Variants in SH3GL3 observed in about 807,000 individuals in gnomAD.
SH3GL3 encodes endophilin-A3.
In SH3GL3, 33 loss-of-function variants were observed where a neutral mutation model predicts 47.7. The ratio of observed to expected loss-of-function variants is 0.69; its 90% CI spans 0.52 to 0.92. The LOEUF is 0.92. Among genes scored for constraint, SH3GL3 ranks in the 40% least tolerant of loss-of-function variants. The pLI is 0.00. For synonymous variants in SH3GL3, 155 were observed against 148.8 expected, an observed-to-expected ratio of 1.04 and a Z score of -0.30; for missense variants, 363 against 417.8, an observed-to-expected ratio of 0.87 and a Z score of 1.14.
intron 1 of SH3GL3, among the ~76,000 whole-genome samples, chr15:83,463,408 G>T (rs11632228): frequency 0.31 from 46,576 of 151,908 alleles, 7,434 homozygotes; most frequent in Admixed American, 0.4. Flanking sequence ...GTCAATAAAA[G>T]CTTCCTCTTA....
chr15:83,556,821 C>T (rs1026724411), intron 1 of SH3GL3, among the ~76,000 whole-genome samples: 19 of 152,118 alleles, frequency 1.2e-4, no homozygotes, highest in Admixed American at 3.3e-4. Context: ...TGTGGTTGAT[C>T]GCTGCTGGGC....
chr15:83,562,942 C>A (rs2045356449), intron 2 of SH3GL3, among the ~76,000 whole-genome samples: 1 of 152,194 alleles, frequency 6.6e-6, no homozygotes, highest in Non-Finnish European at 1.5e-5. Flanking sequence ...TGCCCACTTG[C>A]ACACACAGCA....
chr15:83,627,265 C>T, the SH3GL3 span, among the ~76,000 whole-genome samples: 2 of 151,834 alleles, frequency 1.3e-5, no homozygotes, highest in Non-Finnish European at 2.9e-5. Context: ...GGCATGGTGG[C>T]GGGCACCTGT....
chr15:83,507,263 C>T (rs755802276), intron 1 of SH3GL3, among the ~76,000 whole-genome samples: 6 of 152,116 alleles, frequency 3.9e-5, no homozygotes, highest in Non-Finnish European at 8.8e-5. Flanking sequence ...CCACCTCGAC[C>T]TCCCAAAGTG....
chr15:83,520,322 A>C (rs1488650410), intron 1 of SH3GL3, among the ~76,000 whole-genome samples: 2 of 152,350 alleles, frequency 1.3e-5, no homozygotes, highest in South Asian at 2.1e-4. Context: ...CTTTGAAGAG[A>C]TAGCAAAGAA....
rs2039569841 is a variant in SH3GL3 at position 83,448,560 on chromosome 15, G to T, written c.45+982G>T. Among the ~76,000 whole-genome samples the T allele has an allele frequency of 6.6e-6, 1 of 151,476 alleles. No homozygotes were observed. The highest frequency in any genetic ancestry group is 2.4e-5 in the African/African-American group (1 of 41,156). On this transcript the variant is annotated intron_variant, in intron 1 of 8. Transcript: ENST00000427482. This position sits in a 1 kb window ranked among gnomAD's most constrained non-coding sequence, Gnocchi z 4.2. ...TGGCAGAGCTCACGTTGTAAAACCT[G>T]TTCCCCACCAGCACCGCTGGGTCTG...
chr15:83,586,880 C>T, intron 6 of SH3GL3, 103 bp from the exon 7 acceptor site: 1 of 568,482 alleles, frequency 1.8e-6, no homozygotes, highest in Non-Finnish European at 3.1e-6. Context: ...AAGGCAGACA[C>T]TGGTCTTCCC....
chr15:83,568,902 CTTTT>C (rs58463834), intron 4 of SH3GL3, among the ~76,000 whole-genome samples: 2 of 130,958 alleles, frequency 1.5e-5, no homozygotes, highest in Non-Finnish European at 1.6e-5. Context: ...TGTTGTGTAT[CTTTT>C]TTTTTTTTTT....
chr15:83,476,705 T>C (rs2041115247), intron 1 of SH3GL3, among the ~76,000 whole-genome samples: 1 of 152,272 alleles, frequency 6.6e-6, no homozygotes, highest in African/African-American at 2.4e-5. Context: ...TACCTACTTG[T>C]TGTCTCTGGC....
chr15:83,623,454 G>T (rs1285202307), downstream of SH3GL3, among the ~76,000 whole-genome samples: 1 of 152,210 alleles, frequency 6.6e-6, no homozygotes, highest in African/African-American at 2.4e-5. Context: ...CCTCCAGCAG[G>T]CTAGCCTGGG....
chr15:83,528,274 C>A (rs1441006381), intron 1 of SH3GL3, among the ~76,000 whole-genome samples: 1 of 152,108 alleles, frequency 6.6e-6, no homozygotes, highest in East Asian at 1.9e-4. Flanking sequence ...ACAGAGAAGA[C>A]CTTTTTAGGT....
intron 1 of SH3GL3, among the ~76,000 whole-genome samples, chr15:83,497,585 T>C (rs2042132056): frequency 1.3e-5 from 2 of 152,206 alleles, no homozygotes; most frequent in Non-Finnish European, 2.9e-5. Context: ...ATTAAGCAAG[T>C]TGGCCTCTTG....
Position 83,492,788 on chromosome 15 carries a change from A to C in SH3GL3, c.45+45210A>C, listed in dbSNP as rs550433691. ...CTGTTTTCCAGAGTTGTCCAGAGAG[A>C]CTGAGCTTCATTTGCCCCCAGCAGT... On this transcript the variant is annotated intron_variant, in intron 1 of 8. Transcript: ENST00000427482. 5.9e-5 allele frequency among the ~76,000 whole-genome samples: 9 copies of C among 152,320 alleles called. No homozygotes were observed. The South Asian group carries it at 1.9e-3, about 32-fold the overall frequency.
At chr15:83,630,726 C>T in the SH3GL3 span, among the ~76,000 whole-genome samples, 1 of 152,118 alleles carries the variant, frequency 6.6e-6, no homozygotes, top group African/African-American at 2.4e-5. Flanking sequence ...TTACCTCCTA[C>T]CCGGTCCCTC....
chr15:83,503,606 G>A (rs2042376283), intron 1 of SH3GL3, among the ~76,000 whole-genome samples: 1 of 152,122 alleles, frequency 6.6e-6, no homozygotes, highest in Non-Finnish European at 1.5e-5. Flanking sequence ...TTTTACAGAT[G>A]AGGGAACTGA....
intron 4 of SH3GL3, among the ~76,000 whole-genome samples, chr15:83,571,629 G>GT (rs1207998498): frequency 6.6e-6 from 1 of 151,874 alleles, no homozygotes; most frequent in East Asian, 1.9e-4. Context: ...TATTTTACAG[G>GT]TAATTAAGTT....
At position 83,592,336 on chromosome 15, in the gene SH3GL3, A is replaced by C. The variant is rs573266013; in HGVS notation, c.838+3565A>C. 5.9e-4 allele frequency among the ~76,000 whole-genome samples: 90 copies of C among 152,284 alleles called. 1 individual carries two copies. The highest frequency in any genetic ancestry group is 3.7e-3 in the South Asian group (18 of 4,818). ...ATCACTTCCATCATGTGGGACTCTT[A>C]AAATGCACTCCTCCCCTTTTTTCCC... On this transcript the variant is annotated intron_variant, in intron 8 of 8. Transcript: ENST00000427482.
intron 1 of SH3GL3, among the ~76,000 whole-genome samples, chr15:83,510,648 A>G (rs1166508715): frequency 6.6e-6 from 1 of 152,142 alleles, no homozygotes; most frequent in Admixed American, 6.5e-5. Flanking sequence ...ATGATCAGAG[A>G]AAATATAAAT....
At chr15:83,484,070 T>C (rs1020828884) in intron 1 of SH3GL3, among the ~76,000 whole-genome samples, 1 of 152,240 alleles carries the variant, frequency 6.6e-6, no homozygotes, top group Non-Finnish European at 1.5e-5. Context: ...CTTCAGTGTT[T>C]ACGAGGCTCC....
Sources: allele counts gnomAD v4.1 joint callset (sites outside exome capture counted in the v4.1 genomes callset), GRCh38; gene constraint gnomAD v4.1.1; non-coding constraint Gnocchi (gnomAD v3.1); transcripts MANE v1.5; gene names NCBI Gene and HGNC (gene_info 2026-07-23, HGNC 2026-07-21).